BNC2: variants seen among roughly 807,000 people sequenced by gnomAD.
BNC2 encodes the protein basonuclin zinc finger protein 2, also known as zinc finger protein basonuclin-2.
In BNC2, 20 loss-of-function variants were observed where a neutral mutation model predicts 76.3. The observed-to-expected ratio is 0.26, with a 90% CI of 0.18 to 0.38. The LOEUF is 0.38. BNC2 is among the 10% of genes least tolerant of loss of function. The pLI is 1.00. For synonymous variants in BNC2, 582 were observed against 514.8 expected (o/e 1.13, Z -1.77); for missense variants, 1,382 against 1,399.8 (o/e 0.99, Z 0.20).
intron 5 of BNC2, among the ~76,000 whole-genome samples, chr9:16,444,235 T>TACAC (rs146103333): frequency 5.3e-5 from 8 of 151,584 alleles, no homozygotes; most frequent in African/African-American, 1.5e-4. Flanking sequence ...GTATCATTCA[T>TACAC]ACACACACAC....
At chr9:16,644,669 G>A (rs1456631755) in intron 3 of BNC2, among the ~76,000 whole-genome samples, 1 of 152,148 alleles carries the variant, frequency 6.6e-6, no homozygotes, top group Non-Finnish European at 1.5e-5. Flanking sequence ...AGTGGCATAA[G>A]ACAGTTAACA....
chr9:16,639,380 T>C (rs574227381), intron 3 of BNC2, among the ~76,000 whole-genome samples: 2 of 152,352 alleles, frequency 1.3e-5, no homozygotes, highest in Admixed American at 1.3e-4. Context: ...GCTCAGTGTC[T>C]GGCATGTTTG....
chr9:16,553,921 G>C (rs1006505534), intron 4 of BNC2, among the ~76,000 whole-genome samples: 3 of 152,124 alleles, frequency 2.0e-5, no homozygotes, highest in African/African-American at 7.2e-5. Flanking sequence ...AACTCCTTAA[G>C]AGAACACAAA....
At chr9:16,684,448 G>C (rs955583862) in intron 3 of BNC2, among the ~76,000 whole-genome samples, 1 of 152,080 alleles carries the variant, frequency 6.6e-6, no homozygotes, top group East Asian at 1.9e-4. Flanking sequence ...CCTGGGCCAA[G>C]AGCAGGTGTG....
rs575593932 is a variant in BNC2, at chr9:16,703,674, G to T, written c.330+24123C>A. 6.1e-4 allele frequency among the ~76,000 whole-genome samples: 93 copies of T among 152,070 alleles called. 2 individuals are homozygous for T. The South Asian group carries it at 0.012, about 19-fold the overall frequency. ...CACCATTAGTCAGATTAAACTCAGG[G>T]GTCTATCTTGACAAAATCATTGTTT... On this transcript the variant is annotated intron_variant, in intron 3 of 6. Coordinates refer to ENST00000380672, the MANE Select transcript of BNC2 (RefSeq NM_017637.6).
At chr9:16,649,860 T>A (rs1358144012) in intron 3 of BNC2, among the ~76,000 whole-genome samples, 1 of 152,160 alleles carries the variant, frequency 6.6e-6, no homozygotes, top group Non-Finnish European at 1.5e-5. Context: ...CGCTCAGTAG[T>A]AAACTTCAGA....
intron 5 of BNC2, among the ~76,000 whole-genome samples, chr9:16,539,177 C>A (rs1032076605): frequency 2.0e-5 from 3 of 152,012 alleles, no homozygotes; most frequent in African/African-American, 7.2e-5. Context: ...TTTCCTGAAT[C>A]CTCAAAACAG....
intron 1 of BNC2, among the ~76,000 whole-genome samples, chr9:16,792,776 A>T (rs1006299933): frequency 1.3e-5 from 2 of 152,238 alleles, no homozygotes; most frequent in African/African-American, 2.4e-5. Context: ...AACAAACTTC[A>T]TTGACATTTT....
At chr9:16,740,656 G>A (rs1824818189) in intron 1 of BNC2, among the ~76,000 whole-genome samples, 1 of 152,178 alleles carries the variant, frequency 6.6e-6, no homozygotes. Flanking sequence ...AGTTAGAGGA[G>A]CTCAGACAGG....
At chr9:16,526,094 T>C (rs1442077992) in intron 5 of BNC2, among the ~76,000 whole-genome samples, 1 of 152,264 alleles carries the variant, frequency 6.6e-6, no homozygotes, top group Admixed American at 6.5e-5. Context: ...AAATGCTTCA[T>C]CCTGGGTTTT....
intron 2 of BNC2, among the ~76,000 whole-genome samples, chr9:16,733,547 C>T (rs563715776): frequency 1.3e-4 from 20 of 151,556 alleles, no homozygotes; most frequent in African/African-American, 4.8e-4. Flanking sequence ...CACCTCCTCC[C>T]GCCCAAAAAA....
intron 4 of BNC2, among the ~76,000 whole-genome samples, chr9:16,555,106 G>A (rs1013552438): frequency 1.3e-5 from 2 of 151,918 alleles, no homozygotes; most frequent in Admixed American, 6.5e-5. Flanking sequence ...TGCAAGCTCC[G>A]CCTCCCAGTT....
chr9:16,664,791 A>T (rs1822219568), intron 3 of BNC2, among the ~76,000 whole-genome samples: 1 of 152,120 alleles, frequency 6.6e-6, no homozygotes, highest in Admixed American at 6.5e-5. Context: ...TCCTCAGCTG[A>T]AAACGCTGTT....
chr9:16,608,823 C>T (rs559930834), intron 3 of BNC2, among the ~76,000 whole-genome samples: 1 of 152,318 alleles, frequency 6.6e-6, no homozygotes, highest in South Asian at 2.1e-4. Context: ...AGCATGCAAA[C>T]TTGAAATAGG....
At chr9:16,788,177 T>C (rs549358912) in intron 1 of BNC2, among the ~76,000 whole-genome samples, 2 of 152,062 alleles carry the variant, frequency 1.3e-5, no homozygotes, top group African/African-American at 2.4e-5. Flanking sequence ...ACCATAGCTA[T>C]CTCCGCAGAT....
chr9:16,424,510 G>A (rs182782472), intron 6 of BNC2, among the ~76,000 whole-genome samples: 20 of 152,208 alleles, frequency 1.3e-4, no homozygotes, highest in African/African-American at 4.1e-4. Flanking sequence ...CAACTCTGCC[G>A]TTCAACACAC....
chr9:16,488,417 T>G (rs1458365693), intron 5 of BNC2, among the ~76,000 whole-genome samples: 1 of 152,194 alleles, frequency 6.6e-6, no homozygotes, highest in Non-Finnish European at 1.5e-5. Flanking sequence ...ATGGAAAAAT[T>G]ATACTGAACC....
intron 3 of BNC2, among the ~76,000 whole-genome samples, chr9:16,642,190 T>C (rs1178118204): frequency 6.6e-6 from 1 of 152,210 alleles, no homozygotes; most frequent in Non-Finnish European, 1.5e-5. Context: ...AATACAAGTT[T>C]TGTTGTTTAC....
intron 5 of BNC2, chr9:16,476,310 G>A (rs1250364902): frequency 6.6e-6 from 1 of 152,276 alleles, no homozygotes; most frequent in Non-Finnish European, 1.5e-5. Flanking sequence ...GAGGGGGAAT[G>A]CGTATCTAAA....
Sources: allele counts gnomAD v4.1 joint callset (sites outside exome capture counted in the v4.1 genomes callset), GRCh38; gene constraint gnomAD v4.1.1; transcripts MANE v1.5; gene names NCBI Gene and HGNC (gene_info 2026-07-23, HGNC 2026-07-21).